OPHN1: variants seen among roughly 807,000 people sequenced by gnomAD.
OPHN1 encodes oligophrenin 1.
A neutral mutation model predicts 60.7 loss-of-function variants in OPHN1; 11 were observed. The ratio of observed to expected loss-of-function variants is 0.18; its 90% confidence interval spans 0.11 to 0.30. The LOEUF (loss-of-function observed/expected upper bound fraction) is 0.30, where lower values mean the gene tolerates loss of function less well. OPHN1 is among the 10% of genes least tolerant of loss of function. The pLI is 1.00. For synonymous variants in OPHN1, 226 were observed against 222.6 expected (o/e 1.02, Z -0.14); for missense variants, 449 against 611.0 (o/e 0.73, Z 2.80).
chrX:68,317,341 A>G (rs1258239263), intron 2 of OPHN1, among the ~76,000 whole-genome samples: 1 of 45,306 alleles, frequency 2.2e-5, no homozygotes, highest in Admixed American at 2.6e-4. Context: ...AAAGAGAGGA[A>G]AGAAAGAAAG....
At chrX:68,287,663 A>T (rs2078051495) in intron 3 of OPHN1, among the ~76,000 whole-genome samples, 1 of 111,877 alleles carries the variant, frequency 8.9e-6, no homozygotes, top group Admixed American at 9.5e-5. Flanking sequence ...TTGCATGATT[A>T]TACAGACGTT....
rs184324746 is a variant in OPHN1 at position 68,204,440 on chromosome X, T to C, written c.933+2133A>G. ...CTGCTAGGAGGGTAAATGAGGAGCA[T>C]GAATATGACAGAAGGGTCTAGCTCA... On this transcript the variant is annotated intron_variant, in intron 10 of 24. Coordinates refer to ENST00000355520, the MANE Select transcript of OPHN1 (RefSeq NM_002547.3). Among the ~76,000 whole-genome samples the C allele has an allele frequency of 6.5e-4, 73 of 111,934 alleles. 2 individuals are homozygous for C. In the Admixed American group the frequency reaches 6.9e-3, roughly 11 times the overall value.
At chrX:68,292,163 G>A (rs1226450527) in intron 3 of OPHN1, among the ~76,000 whole-genome samples, 1 of 111,487 alleles carries the variant, frequency 9.0e-6, no homozygotes, top group Non-Finnish European at 1.9e-5. Context: ...TCAGCCTCCT[G>A]AGTACCTGGG....
chrX:68,227,734 T>C (rs2077703112), intron 6 of OPHN1, among the ~76,000 whole-genome samples: 2 of 110,960 alleles, frequency 1.8e-5, no homozygotes, highest in Non-Finnish European at 3.8e-5. Flanking sequence ...CATACCAGAA[T>C]CTCTGGGACA....
chrX:68,157,291 T>C (rs1186633426), intron 15 of OPHN1, among the ~76,000 whole-genome samples: 1 of 111,684 alleles, frequency 9.0e-6, no homozygotes, highest in Non-Finnish European at 1.9e-5. Context: ...ATTGCCATAC[T>C]GTAACTCATT....
intron 20 of OPHN1, chrX:68,071,250 G>C: frequency 3.0e-6 from 2 of 672,990 alleles, no homozygotes; most frequent in East Asian, 6.4e-5. Context: ...CTCCTACCAT[G>C]GAGCTGTGGG....
At chrX:68,090,618 T>C (rs762743877) in intron 19 of OPHN1, among the ~76,000 whole-genome samples, 1 of 110,724 alleles carries the variant, frequency 9.0e-6, no homozygotes, top group South Asian at 3.9e-4. Context: ...CTCAAATCCA[T>C]TACATTGCTA....
At chrX:68,342,896 A>G (rs1012103402) in intron 2 of OPHN1, among the ~76,000 whole-genome samples, 2 of 111,330 alleles carry the variant, frequency 1.8e-5, no homozygotes, top group African/African-American at 6.5e-5. Flanking sequence ...AGACAAGTTT[A>G]GGTCAATGCA....
At chrX:68,392,228 G>T in intron 2 of OPHN1, among the ~76,000 whole-genome samples, 1 of 110,933 alleles carries the variant, frequency 9.0e-6, no homozygotes, top group Non-Finnish European at 1.9e-5. Context: ...TCCACTTAAT[G>T]AATAGTAAAT....
intron 2 of OPHN1, among the ~76,000 whole-genome samples, chrX:68,419,887 G>C (rs954371057): frequency 1.8e-5 from 2 of 111,136 alleles, no homozygotes; most frequent in African/African-American, 3.3e-5. Context: ...AAGACGTAAT[G>C]AAAAATGCCC....
intron 2 of OPHN1, among the ~76,000 whole-genome samples, chrX:68,376,317 G>A (rs1368130586): frequency 1.8e-5 from 2 of 111,681 alleles, no homozygotes; most frequent in East Asian, 2.8e-4. Context: ...TAGAGGAGGG[G>A]AAACAGAAGC....
At chrX:68,180,324 G>A (rs980926637) in intron 15 of OPHN1, among the ~76,000 whole-genome samples, 5 of 111,718 alleles carry the variant, frequency 4.5e-5, no homozygotes, top group Non-Finnish European at 7.5e-5. Flanking sequence ...TACGCTTTCT[G>A]AACACATTTT....
intron 15 of OPHN1, among the ~76,000 whole-genome samples, chrX:68,134,664 G>GCTGGGC (rs1462390447): frequency 1.8e-5 from 2 of 110,494 alleles, no homozygotes; most frequent in African/African-American, 3.3e-5. Context: ...TAAGCTCAGA[G>GCTGGGC]CTGGGCCTGG....
At chrX:68,262,068 C>T (rs1055537959) in intron 5 of OPHN1, among the ~76,000 whole-genome samples, 1 of 111,360 alleles carries the variant, frequency 9.0e-6, no homozygotes. Context: ...TTTAAAATAA[C>T]AGAAGTAAGC....
rs896184150 is a variant in OPHN1, at chrX:68,133,150, T to C, written c.1277-13818A>G. On this transcript the variant is annotated intron_variant, in intron 15 of 24. Transcript: ENST00000355520. ...AGAGGTGGAGACATTTAGAAATTGTTCTTAATCAGAGTGAAGCTTGTGCTT... is the reference window on the plus strand; with the variant it reads ...AGAGGTGGAGACATTTAGAAATTGTCCTTAATCAGAGTGAAGCTTGTGCTT... 5.8e-6 allele frequency: 4 copies of C among 685,943 alleles called. No individual in the cohort carries two copies. In the Admixed American group the frequency reaches 6.7e-5, roughly 11 times the overall value. The allele number at this position is 685,943 out of a possible 1,213,427, so 56.5% of individuals were successfully genotyped here. A position where few individuals can be genotyped will look rare whatever the true frequency, so the allele number is the denominator to read the frequency against.
intron 6 of OPHN1, among the ~76,000 whole-genome samples, chrX:68,219,567 T>A (rs1218270206): frequency 9.1e-6 from 1 of 109,808 alleles, no homozygotes; most frequent in Non-Finnish European, 1.9e-5. Flanking sequence ...GAACAGAAAT[T>A]ATAACAAACT....
intron 15 of OPHN1, among the ~76,000 whole-genome samples, chrX:68,155,017 GCA>G (rs901150028): frequency 5.4e-5 from 6 of 110,182 alleles, no homozygotes; most frequent in Non-Finnish European, 5.7e-5. Flanking sequence ...AGGGTGCAAA[GCA>G]CAGTTTTTAT....
intron 10 of OPHN1, among the ~76,000 whole-genome samples, chrX:68,203,256 A>AAAAT (rs749416706): frequency 2.7e-3 from 302 of 111,616 alleles, no homozygotes; most frequent in Non-Finnish European, 5.1e-3. Context: ...TTCTGTCTCA[A>AAAAT]AAATAAATAA....
intron 8 of OPHN1, among the ~76,000 whole-genome samples, chrX:68,211,832 T>C (rs1394123717): frequency 1.8e-5 from 2 of 111,918 alleles, no homozygotes; most frequent in South Asian, 3.7e-4. Context: ...CTGAGAGAGA[T>C]GCAGCAAATT....
Sources: allele counts gnomAD v4.1 joint callset (sites outside exome capture counted in the v4.1 genomes callset), GRCh38; gene constraint gnomAD v4.1.1; transcripts MANE v1.5; gene names NCBI Gene and HGNC (gene_info 2026-07-23, HGNC 2026-07-21).